Variants in CCSER1 observed in about 807,000 individuals in gnomAD.
CCSER1 encodes coiled-coil serine rich protein 1.
A neutral mutation model predicts 82.0 loss-of-function variants in CCSER1; 41 were observed. The ratio of observed to expected loss-of-function variants is 0.50; its 90% CI spans 0.39 to 0.65. CCSER1 has a LOEUF of 0.65. Ranked by LOEUF, CCSER1 falls within the 30% of genes least tolerant of loss-of-function variation. The pLI, the probability that CCSER1 is intolerant of heterozygous loss-of-function variation, is 0.00. For missense variants in CCSER1, 1,119 were observed against 1,064.2 expected, an observed-to-expected ratio of 1.05 and a Z score of -0.72; for synonymous variants, 414 against 383.9, an observed-to-expected ratio of 1.08 and a Z score of -0.92.
chr4:91,582,936 A>G (rs1763802410), intron 10 of CCSER1, among the ~76,000 whole-genome samples: 1 of 151,428 alleles, frequency 6.6e-6, no homozygotes, highest in South Asian at 2.1e-4. Context: ...CTTATGAGAA[A>G]ATTTTAGAAC....
At chr4:90,915,860 T>C (rs368519580) in intron 8 of CCSER1, among the ~76,000 whole-genome samples, 33 of 152,046 alleles carry the variant, frequency 2.2e-4, no homozygotes, top group East Asian at 2.1e-3. Flanking sequence ...AGCATTCTTA[T>C]ACACCAATAA....
chr4:90,702,214 T>C (rs1306951896), intron 6 of CCSER1, among the ~76,000 whole-genome samples: 1 of 152,226 alleles, frequency 6.6e-6, no homozygotes, highest in Non-Finnish European at 1.5e-5. Flanking sequence ...AGGTCTTTTC[T>C]GCATCCATTG....
intron 10 of CCSER1, among the ~76,000 whole-genome samples, chr4:91,350,269 A>T (rs1223129663): frequency 3.3e-5 from 5 of 152,166 alleles, no homozygotes; most frequent in Admixed American, 3.3e-4. Flanking sequence ...TTTTGTGTTA[A>T]TTCTTCTGAT....
intron 3 of CCSER1, chr4:90,325,724 T>C: frequency 2.6e-6 from 1 of 389,570 alleles, no homozygotes; most frequent in Non-Finnish European, 5.3e-6. Flanking sequence ...ACATTATTCA[T>C]TTTAGACAAT....
chr4:91,427,480 C>T (rs1292473417), intron 10 of CCSER1, among the ~76,000 whole-genome samples: 1 of 152,034 alleles, frequency 6.6e-6, no homozygotes, highest in African/African-American at 2.4e-5. Flanking sequence ...TGTAAACAAT[C>T]CCATTAGACT....
chr4:91,393,753 T>A (rs1042716688), intron 10 of CCSER1, among the ~76,000 whole-genome samples: 2 of 152,060 alleles, frequency 1.3e-5, no homozygotes, highest in African/African-American at 4.8e-5. Flanking sequence ...TGAAGGTGTA[T>A]GGAAATTAAA....
At chr4:91,202,060 G>A (rs191594354) in intron 10 of CCSER1, among the ~76,000 whole-genome samples, 21 of 151,362 alleles carry the variant, frequency 1.4e-4, no homozygotes, top group Non-Finnish European at 1.5e-5. Flanking sequence ...GCACTTTTTT[G>A]TCTCATAAAT....
chr4:90,960,563 C>T (rs1398136376), intron 9 of CCSER1, among the ~76,000 whole-genome samples: 2 of 152,184 alleles, frequency 1.3e-5, no homozygotes, highest in South Asian at 4.1e-4. Context: ...CACTCTCAGC[C>T]TATCCCCAGC....
intron 2 of CCSER1, 37 bp downstream of exon 2, chr4:90,309,645 T>G: frequency 7.0e-7 from 1 of 1,419,444 alleles, no homozygotes; most frequent in South Asian, 1.4e-5. Context: ...ATGATATGAA[T>G]TAATTTTCAT....
At chr4:91,472,297 TA>T (rs1757323364) in intron 10 of CCSER1, among the ~76,000 whole-genome samples, 1 of 152,162 alleles carries the variant, frequency 6.6e-6, no homozygotes, top group Non-Finnish European at 1.5e-5. Flanking sequence ...GTAAAACAAT[TA>T]AAATTGTCAC....
At chr4:90,657,864 G>A (rs796961457) in intron 6 of CCSER1, among the ~76,000 whole-genome samples, 7 of 152,308 alleles carry the variant, frequency 4.6e-5, no homozygotes, top group African/African-American at 1.7e-4. Flanking sequence ...AGCACTTTGG[G>A]AGGCCCAGGA....
chr4:90,211,975 T>C (rs1014661827), intron 1 of CCSER1, among the ~76,000 whole-genome samples: 2 of 152,214 alleles, frequency 1.3e-5, no homozygotes, highest in African/African-American at 4.8e-5. Flanking sequence ...CAAGTTCAAG[T>C]GCAGACAACA....
intron 3 of CCSER1, among the ~76,000 whole-genome samples, chr4:90,344,876 A>G (rs559298476): frequency 1.9e-4 from 29 of 152,222 alleles, no homozygotes; most frequent in Non-Finnish European, 3.2e-4. Context: ...TAAATATGCT[A>G]TTTTTACAGA....
At position 91,509,154 on chromosome 4, in the gene CCSER1, C is replaced by CT. The variant is rs1169851564; in HGVS notation, c.2218-89410dup. Among the ~76,000 whole-genome samples, 8 of 150,566 alleles carry CT rather than the reference C, an allele frequency of 5.3e-5. No individual in the cohort carries two copies. In the South Asian group the frequency reaches 6.3e-4, roughly 12 times the overall value. On this transcript the variant is annotated intron_variant, in intron 10 of 10. Transcript: ENST00000509176. ...CTTGCTTTGGGTTTAGTTTTATGTT[C>CT]TTTTTTTTAGCTTCTTTATGTGAAT...
intron 10 of CCSER1, among the ~76,000 whole-genome samples, chr4:91,409,194 T>G (rs984201744): frequency 6.6e-6 from 1 of 152,180 alleles, no homozygotes; most frequent in African/African-American, 2.4e-5. Context: ...GATTAAACAA[T>G]CTTCTTAATA....
At chr4:90,879,252 G>T (rs1019933184) in intron 8 of CCSER1, among the ~76,000 whole-genome samples, 2 of 152,096 alleles carry the variant, frequency 1.3e-5, no homozygotes, top group Non-Finnish European at 2.9e-5. Flanking sequence ...GCGTTATTCA[G>T]CTCTGTCAGA....
chr4:90,378,650 C>T (rs985898261), intron 3 of CCSER1, among the ~76,000 whole-genome samples: 17 of 152,056 alleles, frequency 1.1e-4, no homozygotes, highest in African/African-American at 3.9e-4. Context: ...TCAAATATGC[C>T]TAAGACAATG....
rs1339933925 is a variant in CCSER1 at position 91,390,708 on chromosome 4, C to G, written c.2218-207864C>G. 2.6e-5 allele frequency among the ~76,000 whole-genome samples: 4 copies of G among 151,976 alleles called. No individual in the cohort carries two copies. In the East Asian group the frequency reaches 7.7e-4, roughly 29 times the overall value. ...GAATTCACCAGTGAACCCATCTGGG[C>G]ACTGTGGTTTCTGTTTTGGAAGGTT... On this transcript the variant is annotated intron_variant, in intron 10 of 10. Coordinates refer to ENST00000509176, the MANE Select transcript of CCSER1 (RefSeq NM_001145065.2).
chr4:90,343,182 G>A lies in CCSER1; in HGVS notation c.1509+30135G>A, dbSNP rs115135268. Among the ~76,000 whole-genome samples, 1,139 of 152,040 alleles carry A rather than the reference G, an allele frequency of 7.5e-3. 13 individuals carry two copies. The highest frequency in any genetic ancestry group is 0.026 in the African/African-American group (1,097 of 41,446). On this transcript the variant is annotated intron_variant, in intron 3 of 10. Transcript: ENST00000509176. ...AAACTTTCTCTTCTATTTTTTGGGG[G>A]CCTTTATCAACTTGCTTATCAAAGT...
Sources: allele counts gnomAD v4.1 joint callset (sites outside exome capture counted in the v4.1 genomes callset), GRCh38; gene constraint gnomAD v4.1.1; transcripts MANE v1.5; gene names NCBI Gene and HGNC (gene_info 2026-07-23, HGNC 2026-07-21).